Variants in INSYN2B observed in about 807,000 individuals in gnomAD.
The protein encoded by INSYN2B is inhibitory synaptic factor family member 2B, also known as protein INSYN2B.
A neutral mutation model predicts 41.2 loss-of-function variants in INSYN2B; 16 were observed. The ratio of observed to expected loss-of-function variants is 0.39; its 90% CI spans 0.26 to 0.59. The LOEUF (loss-of-function observed/expected upper bound fraction) is 0.59, where lower values mean the gene tolerates loss of function less well. INSYN2B is among the 20% of genes least tolerant of loss of function. INSYN2B has a pLI of 0.57. For synonymous variants in INSYN2B, 245 were observed against 244.4 expected (o/e 1.00, Z -0.02); for missense variants, 608 against 646.4 (o/e 0.94, Z 0.64).
At chr5:169,900,577 C>T (rs1376178647) in intron 1 of INSYN2B, among the ~76,000 whole-genome samples, 1 of 152,120 alleles carries the variant, frequency 6.6e-6, no homozygotes, top group Non-Finnish European at 1.5e-5. Context: ...ACCTAAATGT[C>T]GAGTCTCTCT....
At chr5:169,909,491 C>G (rs1774474261) in intron 1 of INSYN2B, among the ~76,000 whole-genome samples, 1 of 152,198 alleles carries the variant, frequency 6.6e-6, no homozygotes, top group Admixed American at 6.5e-5. Flanking sequence ...GATTCACACT[C>G]CATCAGGTAC....
chr5:169,900,508 ATCT>A (rs1246784502), intron 1 of INSYN2B, among the ~76,000 whole-genome samples: 1 of 152,148 alleles, frequency 6.6e-6, no homozygotes, highest in Non-Finnish European at 1.5e-5. Context: ...GGCCAAACAG[ATCT>A]TCTGGAGTGA....
intron 1 of INSYN2B, among the ~76,000 whole-genome samples, chr5:169,900,691 A>G (rs1027511600): frequency 6.6e-6 from 1 of 152,210 alleles, no homozygotes; most frequent in Non-Finnish European, 1.5e-5. Flanking sequence ...AAATGATAAA[A>G]TAAGCTAATT....
In INSYN2B at chr5:169,864,337, G is replaced by A. The variant is rs545199931; in HGVS notation, c.1544C>T (p.Pro515Leu). The A allele has an allele frequency of 1.8e-5, 28 of 1,551,576 alleles. No homozygotes were observed. Among genetic ancestry groups the A allele is most frequent in the African/African-American group, 1.1e-4 (8 of 73,138 alleles). Residue 515 changes from proline (P) to leucine (L), a missense_variant, in exon 4 of 4, where the codon CCG becomes CTG. Coordinates refer to ENST00000377365, the MANE Select transcript of INSYN2B (RefSeq NM_001129891.3). The stretch of plus-strand genomic sequence containing the variant: ...TTTCCGCCTTAAGTCCTGCTTTTCC[G>A]GGGCTGGGGGTTCTGCTGGGGACTT... ...PPKSPAEPPA[P>L]EKQDLRRKTK...
chr5:169,911,195 G>A (rs980558630), intron 1 of INSYN2B, among the ~76,000 whole-genome samples: 2 of 152,056 alleles, frequency 1.3e-5, no homozygotes, highest in African/African-American at 2.4e-5. Context: ...GATTTAACAG[G>A]TCAGGTATGT....
chr5:169,969,436 C>A (rs992338582), intron 1 of INSYN2B, among the ~76,000 whole-genome samples: 1 of 152,092 alleles, frequency 6.6e-6, no homozygotes, highest in Non-Finnish European at 1.5e-5. Context: ...CAGAGTGAGG[C>A]TCCATCTCAA....
At chr5:169,869,847 C>G (rs538766458) in intron 3 of INSYN2B, among the ~76,000 whole-genome samples, 15 of 152,338 alleles carry the variant, frequency 9.8e-5, no homozygotes, top group African/African-American at 3.4e-4. Flanking sequence ...TCCACCTACT[C>G]TCTGTACCCT....
intron 1 of INSYN2B, among the ~76,000 whole-genome samples, chr5:169,968,450 T>G (rs1777379437): frequency 6.6e-6 from 1 of 152,104 alleles, no homozygotes; most frequent in African/African-American, 2.4e-5. Flanking sequence ...CCAGGGCCAG[T>G]GGGGACAGAC....
At chr5:169,953,348 A>AT (rs34219333) in intron 1 of INSYN2B, among the ~76,000 whole-genome samples, 28 of 130,774 alleles carry the variant, frequency 2.1e-4, no homozygotes, top group African/African-American at 7.8e-4. Context: ...AAAAAAAAAA[A>AT]GAGAGAGAGA....
chr5:169,900,944 C>A (rs1018868393), intron 1 of INSYN2B, among the ~76,000 whole-genome samples: 4 of 152,016 alleles, frequency 2.6e-5, no homozygotes, highest in African/African-American at 9.7e-5. Context: ...AACTGGTGTA[C>A]CAAACAGCCA....
At chr5:169,913,982 C>T (rs1381719358) in intron 1 of INSYN2B, among the ~76,000 whole-genome samples, 1 of 152,138 alleles carries the variant, frequency 6.6e-6, no homozygotes, top group Non-Finnish European at 1.5e-5. Flanking sequence ...CTCACGTGTC[C>T]TGACCCATAT....
chr5:169,899,241 C>T (rs993631187), intron 1 of INSYN2B, among the ~76,000 whole-genome samples: 1 of 152,162 alleles, frequency 6.6e-6, no homozygotes, highest in Non-Finnish European at 1.5e-5. Context: ...CCTCCTTTTG[C>T]CTTCAGCACG....
chr5:169,978,111 G>A (rs762161519), intron 1 of INSYN2B, among the ~76,000 whole-genome samples: 25 of 152,010 alleles, frequency 1.6e-4, no homozygotes, highest in Non-Finnish European at 3.2e-4. Flanking sequence ...TTGGTCGTGC[G>A]CATTATTTGA....
At chr5:169,869,625 G>A (rs1205704771) in intron 3 of INSYN2B, among the ~76,000 whole-genome samples, 2 of 152,218 alleles carry the variant, frequency 1.3e-5, no homozygotes, top group Non-Finnish European at 2.9e-5. Flanking sequence ...GTAGAAAAGA[G>A]AAGATGCATT....
At chr5:169,906,066 G>T (rs1234499268) in intron 1 of INSYN2B, among the ~76,000 whole-genome samples, 4 of 152,194 alleles carry the variant, frequency 2.6e-5, no homozygotes, top group African/African-American at 9.7e-5. Context: ...AATTATAAAT[G>T]AATGCAAAGA....
intron 1 of INSYN2B, among the ~76,000 whole-genome samples, chr5:169,945,130 C>A (rs1490772780): frequency 6.6e-6 from 1 of 152,232 alleles, no homozygotes; most frequent in East Asian, 1.9e-4. Context: ...TTCTCTTGGC[C>A]CCAGAAGAAT....
chr5:169,942,326 A>G (rs1476937284), intron 1 of INSYN2B, among the ~76,000 whole-genome samples: 2 of 152,170 alleles, frequency 1.3e-5, no homozygotes, highest in Non-Finnish European at 1.5e-5. Flanking sequence ...TGCCTCTCCC[A>G]TGGTCTAATT....
chr5:169,955,360 G>C (rs1380335519), intron 1 of INSYN2B, among the ~76,000 whole-genome samples: 1 of 152,114 alleles, frequency 6.6e-6, no homozygotes, highest in Admixed American at 6.5e-5. Flanking sequence ...CTACTGTGTA[G>C]CTGGCATATT....
At chr5:169,888,996 A>T (rs1773135060) in intron 1 of INSYN2B, among the ~76,000 whole-genome samples, 1 of 152,114 alleles carries the variant, frequency 6.6e-6, no homozygotes, top group Non-Finnish European at 1.5e-5. Flanking sequence ...CTATATTGTG[A>T]TGATCTGCTG....
Sources: gnomAD v4.1 joint callset for allele counts (sites outside exome capture counted in the v4.1 genomes callset) on GRCh38, gnomAD v4.1.1 for gene constraint, MANE v1.5 for transcripts, NCBI Gene and HGNC (gene_info 2026-07-23, HGNC 2026-07-21) for gene names.